LAMA2: variants seen among roughly 807,000 people sequenced by gnomAD.
LAMA2 encodes the protein laminin subunit alpha 2.
In LAMA2, 269 loss-of-function variants were observed where a neutral mutation model predicts 364.8. The observed-to-expected ratio is 0.74, with a 90% CI of 0.67 to 0.82. The LOEUF is 0.82. LAMA2 is among the 40% of genes least tolerant of loss of function. The pLI, the probability that LAMA2 is intolerant of heterozygous loss-of-function variation, is 0.00. For missense variants in LAMA2, 3,807 were observed against 3,873.2 expected (o/e 0.98, Z 0.45); for synonymous variants, 1,379 against 1,370.6 (o/e 1.01, Z -0.14).
At chr6:129,062,434 T>C (rs982012808) in intron 3 of LAMA2, among the ~76,000 whole-genome samples, 1 of 152,134 alleles carries the variant, frequency 6.6e-6, no homozygotes, top group African/African-American at 2.4e-5. Context: ...GGATAATTTT[T>C]ATTATATATT....
At chr6:129,117,940 G>C (rs944208300) in intron 4 of LAMA2, among the ~76,000 whole-genome samples, 5 of 152,114 alleles carry the variant, frequency 3.3e-5, no homozygotes, top group African/African-American at 1.2e-4. Flanking sequence ...CCCTCAAACT[G>C]CCTGTGTTTG....
At chr6:129,076,491 T>TATTA (rs1554212257) in intron 3 of LAMA2, among the ~76,000 whole-genome samples, 1 of 10,992 alleles carries the variant, frequency 9.1e-5, no homozygotes, top group African/African-American at 1.9e-4. Flanking sequence ...ATCTTATATA[T>TATTA]TATATATAAA....
At chr6:129,391,345 T>G (rs1779306953) in intron 35 of LAMA2, 146 bp from the exon 36 acceptor site, 2 of 742,382 alleles carry the variant, frequency 2.7e-6, no homozygotes. Flanking sequence ...GATTGTTGTC[T>G]TAACTGCCTC....
In LAMA2 at chr6:129,294,328, G is replaced by C. The variant is rs1789937599; in HGVS notation, c.2856+2608G>C. Reference sequence around the variant, plus strand: ...TCTTAATTCATTCAGAGTGCTATAAGAGCATAACATAGACTAAGTGGCATG... The same window carrying C: ...TCTTAATTCATTCAGAGTGCTATAACAGCATAACATAGACTAAGTGGCATG... On this transcript the variant is annotated intron_variant, in intron 20 of 64. Transcript: ENST00000421865. Among the ~76,000 whole-genome samples the C allele has an allele frequency of 2.0e-5, 3 of 152,156 alleles. No homozygotes were observed. The South Asian group carries it at 6.2e-4, about 32-fold the overall frequency.
chr6:129,156,523 CTT>C lies in LAMA2; in HGVS notation c.1206+1852_1206+1853del, dbSNP rs199731028. On this transcript the variant is annotated intron_variant, in intron 8 of 64. Coordinates refer to ENST00000421865, the MANE Select transcript of LAMA2 (RefSeq NM_000426.4). ...TATGCCCTATAGCCATCCTTAATTT[CTT>C]TTTTTTTTTTTAAATAACTTCCCTT... 1.5e-3 allele frequency among the ~76,000 whole-genome samples: 209 copies of C among 136,290 alleles called. 1 individual carries two copies. Among genetic ancestry groups the C allele is most frequent in the African/African-American group, 5.9e-3 (200 of 34,096 alleles). The allele number at this position is 136,290 out of a possible 152,430, so 89.4% of individuals were successfully genotyped here. A position where few individuals can be genotyped will look rare whatever the true frequency, so the allele number is the denominator to read the frequency against.
intron 1 of LAMA2, among the ~76,000 whole-genome samples, chr6:128,978,760 C>A (rs1024185277): frequency 9.9e-5 from 15 of 152,192 alleles, no homozygotes; most frequent in Admixed American, 2.0e-4. Context: ...ACAAGATAGA[C>A]AGCAGTCAGT....
chr6:129,116,749 C>T (rs148005864), intron 4 of LAMA2, among the ~76,000 whole-genome samples: 682 of 151,978 alleles, frequency 4.5e-3, no homozygotes, highest in Middle Eastern at 0.014. Flanking sequence ...TTTCTTATAA[C>T]CACTTTAAAG....
chr6:128,974,349 A>G (rs1453390962), intron 1 of LAMA2, among the ~76,000 whole-genome samples: 1 of 152,212 alleles, frequency 6.6e-6, no homozygotes, highest in African/African-American at 2.4e-5. Flanking sequence ...GACTCGTGAG[A>G]AAAATCAATT....
intron 1 of LAMA2, among the ~76,000 whole-genome samples, chr6:128,892,459 T>C (rs567574964): frequency 4.2e-4 from 64 of 152,154 alleles, no homozygotes; most frequent in African/African-American, 1.5e-3. Flanking sequence ...ATTTTGTTGA[T>C]AAACTATTTT....
chr6:129,226,071 C>T (rs1264729647), intron 12 of LAMA2, among the ~76,000 whole-genome samples: 5 of 152,008 alleles, frequency 3.3e-5, no homozygotes, highest in Admixed American at 2.0e-4. Flanking sequence ...TTGAATTGAT[C>T]CCTTTACCAT....
At chr6:129,334,682 A>G (rs1256249324) in intron 29 of LAMA2, among the ~76,000 whole-genome samples, 1 of 152,196 alleles carries the variant, frequency 6.6e-6, no homozygotes, top group East Asian at 1.9e-4. Flanking sequence ...TATTTCCCAC[A>G]GTTCTGAAGG....
chr6:129,142,079 T>C (rs1411228804), intron 4 of LAMA2, among the ~76,000 whole-genome samples: 1 of 152,054 alleles, frequency 6.6e-6, no homozygotes, highest in African/African-American at 2.4e-5. Context: ...AGATAATTCA[T>C]TATGCAGATA....
At chr6:129,455,025 T>C (rs1269881023) in intron 47 of LAMA2, among the ~76,000 whole-genome samples, 1 of 152,116 alleles carries the variant, frequency 6.6e-6, no homozygotes, top group African/African-American at 2.4e-5. Flanking sequence ...GGGTGATACA[T>C]AGAGTTTCAT....
chr6:128,925,698 A>G (rs982915301), intron 1 of LAMA2, among the ~76,000 whole-genome samples: 2 of 152,230 alleles, frequency 1.3e-5, no homozygotes, highest in Admixed American at 6.5e-5. Context: ...AAATAATTCA[A>G]AAGTAACATC....
At chr6:129,269,254 T>C (rs1787748265) in intron 16 of LAMA2, among the ~76,000 whole-genome samples, 1 of 152,096 alleles carries the variant, frequency 6.6e-6, no homozygotes, top group Non-Finnish European at 1.5e-5. Flanking sequence ...GATTTCATGC[T>C]TGCTTCTTCT....
chr6:129,009,825 A>G (rs1226290802), intron 1 of LAMA2, among the ~76,000 whole-genome samples: 1 of 152,156 alleles, frequency 6.6e-6, no homozygotes, highest in Non-Finnish European at 1.5e-5. Flanking sequence ...AACTCATAAA[A>G]TGCATGGCTC....
intron 33 of LAMA2, among the ~76,000 whole-genome samples, chr6:129,368,823 T>C (rs912871485): frequency 5.3e-5 from 8 of 152,216 alleles, no homozygotes; most frequent in African/African-American, 1.9e-4. Flanking sequence ...TCTGGTATTA[T>C]AAAAACTTAA....
At chr6:129,034,103 C>T (rs1786434058) in intron 1 of LAMA2, among the ~76,000 whole-genome samples, 1 of 152,074 alleles carries the variant, frequency 6.6e-6, no homozygotes, top group Non-Finnish European at 1.5e-5. Flanking sequence ...ATGACAGAAG[C>T]AGGGTATAGT....
At chr6:129,079,628 G>A (rs998480973) in intron 3 of LAMA2, among the ~76,000 whole-genome samples, 17 of 150,870 alleles carry the variant, frequency 1.1e-4, no homozygotes, top group Middle Eastern at 3.4e-3. Context: ...TTCAGTCATC[G>A]TTTCCCAGTA....
Sources: allele counts gnomAD v4.1 joint callset (sites outside exome capture counted in the v4.1 genomes callset), GRCh38; gene constraint gnomAD v4.1.1; transcripts MANE v1.5; gene names NCBI Gene and HGNC (gene_info 2026-07-23, HGNC 2026-07-21).